The following SHISA6 variants were observed in gnomAD, a reference collection of about 807,000 sequenced individuals.
SHISA6 encodes shisa family member 6, also known as protein shisa-6.
SHISA6 carries 22 observed loss-of-function variants against 47.9 expected under a neutral mutation model. That is an observed-to-expected ratio of 0.46 (90% confidence interval 0.33 to 0.66). The LOEUF (loss-of-function observed/expected upper bound fraction) is 0.66, where lower values mean the gene tolerates loss of function less well. Among genes scored for constraint, SHISA6 ranks in the 30% least tolerant of loss-of-function variants. The probability of loss-of-function intolerance (pLI) is 0.02; values close to 1 mark genes in which losing one functional copy is unlikely to be tolerated. For missense variants in SHISA6, 680 were observed against 764.6 expected (o/e 0.89, Z 1.30); for synonymous variants, 388 against 337.8 (o/e 1.15, Z -1.63).
chr17:11,453,310 C>A (rs750592703), intron 3 of SHISA6, among the ~76,000 whole-genome samples: 12 of 152,192 alleles, frequency 7.9e-5, no homozygotes, highest in Non-Finnish European at 1.8e-4. Context: ...GAGGTCCAGG[C>A]AGCAGCAACA....
At chr17:11,357,905 CT>C in intron 2 of SHISA6, among the ~76,000 whole-genome samples, 1 of 152,166 alleles carries the variant, frequency 6.6e-6, no homozygotes. Flanking sequence ...CACTTTATGT[CT>C]TCTTTTCTGA....
intron 3 of SHISA6, among the ~76,000 whole-genome samples, chr17:11,547,765 T>C (rs2142384465): frequency 6.6e-6 from 1 of 152,328 alleles, no homozygotes; most frequent in Admixed American, 6.5e-5. Context: ...GAGGTAATTC[T>C]GTGAAAGAGT....
chr17:11,354,143 C>T (rs1410245901), intron 2 of SHISA6, among the ~76,000 whole-genome samples: 1 of 152,202 alleles, frequency 6.6e-6, no homozygotes, highest in Non-Finnish European at 1.5e-5. Context: ...AAAATATCCT[C>T]TGTTGGGGCA....
intron 2 of SHISA6, among the ~76,000 whole-genome samples, chr17:11,286,894 T>C (rs1452373754): frequency 6.6e-6 from 1 of 152,150 alleles, no homozygotes; most frequent in Non-Finnish European, 1.5e-5. Flanking sequence ...AAAGAAAAGG[T>C]GATGTCCTGA....
intron 2 of SHISA6, among the ~76,000 whole-genome samples, chr17:11,266,721 A>G (rs142908918): frequency 1.6e-3 from 238 of 152,356 alleles, no homozygotes; most frequent in African/African-American, 5.1e-3. Context: ...TGGAAAATGA[A>G]TCAAATGAAT....
intron 2 of SHISA6, among the ~76,000 whole-genome samples, chr17:11,283,783 G>C (rs1909203806): frequency 6.6e-6 from 1 of 152,200 alleles, no homozygotes; most frequent in Admixed American, 6.5e-5. Flanking sequence ...AAACTTTAGT[G>C]ACTAATGGGA....
intron 3 of SHISA6, among the ~76,000 whole-genome samples, chr17:11,434,272 C>T (rs577798219): frequency 6.6e-6 from 1 of 152,032 alleles, no homozygotes; most frequent in South Asian, 2.1e-4. Context: ...CTATGTTGGC[C>T]GAGACTGGTC....
At chr17:11,414,866 T>A (rs1914233404) in intron 3 of SHISA6, among the ~76,000 whole-genome samples, 1 of 151,950 alleles carries the variant, frequency 6.6e-6, no homozygotes, top group South Asian at 2.1e-4. Context: ...GGCGGGTGAA[T>A]CATGAGGTCA....
In SHISA6 at chr17:11,351,658, G is replaced by A. The variant is rs148233040; in HGVS notation, c.800-27756G>A. 2.2e-3 allele frequency among the ~76,000 whole-genome samples: 335 copies of A among 152,326 alleles called. 3 individuals are homozygous for A. The highest frequency in any genetic ancestry group is 7.4e-3 in the African/African-American group (308 of 41,562). On this transcript the variant is annotated intron_variant, in intron 2 of 5. Transcript: ENST00000441885. ...CTATTTGTATTAGTCTGTGAGATCC[G>A]TGAGAAAAGAAACTATGTTTACTCT...
intron 1 of SHISA6, among the ~76,000 whole-genome samples, chr17:11,259,218 A>T (rs1908134902): frequency 1.3e-5 from 2 of 152,194 alleles, no homozygotes; most frequent in Admixed American, 6.5e-5. Flanking sequence ...AGTGGTATAT[A>T]GTCAGCCCCT....
chr17:11,448,697 G>A (rs1915300926), intron 3 of SHISA6, among the ~76,000 whole-genome samples: 1 of 152,020 alleles, frequency 6.6e-6, no homozygotes, highest in Non-Finnish European at 1.5e-5. Flanking sequence ...GTGGTGGTGA[G>A]TGCCTGTAAT....
intron 3 of SHISA6, among the ~76,000 whole-genome samples, chr17:11,526,398 T>A (rs2969195): frequency 0.57 from 86,994 of 152,030 alleles, 25,617 homozygotes; most frequent in African/African-American, 0.72. Context: ...TGAGTCAAAG[T>A]TGTGCCTGCA....
intron 3 of SHISA6, among the ~76,000 whole-genome samples, chr17:11,513,436 G>A (rs117542347): frequency 0.016 from 2,487 of 152,030 alleles, 34 homozygotes; most frequent in Non-Finnish European, 0.024. Context: ...TCAACTCTTC[G>A]AATATTTCTT....
chr17:11,284,489 T>C lies in SHISA6; in HGVS notation c.799+20963T>C, dbSNP rs566202167. ...TGACCCTCATTTAGCTGCACATATATTGCTGCCCCAAATAATGTGGAATTT... is the reference window on the plus strand; with the variant it reads ...TGACCCTCATTTAGCTGCACATATACTGCTGCCCCAAATAATGTGGAATTT... On this transcript the variant is annotated intron_variant, in intron 2 of 5. Coordinates refer to ENST00000441885, the MANE Select transcript of SHISA6 (RefSeq NM_207386.4). Among the ~76,000 whole-genome samples, 3 of 152,246 alleles carry C rather than the reference T, an allele frequency of 2.0e-5. No individual in the cohort carries two copies. In the East Asian group the frequency reaches 5.8e-4, roughly 29 times the overall value.
intron 1 of SHISA6, among the ~76,000 whole-genome samples, chr17:11,253,262 G>A (rs775579581): frequency 3.3e-5 from 5 of 151,336 alleles, no homozygotes; most frequent in African/African-American, 9.7e-5. Context: ...AAGCCGCATC[G>A]ATTTAGATGC....
intron 3 of SHISA6, among the ~76,000 whole-genome samples, chr17:11,466,818 C>T (rs1033997088): frequency 1.3e-5 from 2 of 152,150 alleles, no homozygotes; most frequent in African/African-American, 4.8e-5. Flanking sequence ...CGTTCTCAGC[C>T]CGTGTTTTCT....
At chr17:11,513,435 C>T (rs1248720235) in intron 3 of SHISA6, among the ~76,000 whole-genome samples, 1 of 152,072 alleles carries the variant, frequency 6.6e-6, no homozygotes, top group Non-Finnish European at 1.5e-5. Flanking sequence ...GTCAACTCTT[C>T]GAATATTTCT....
At chr17:11,368,015 T>C (rs1912511199) in intron 2 of SHISA6, among the ~76,000 whole-genome samples, 1 of 152,146 alleles carries the variant, frequency 6.6e-6, no homozygotes, top group African/African-American at 2.4e-5. Context: ...CAAAGTTGAA[T>C]TAATCTAACC....
chr17:11,348,923 T>A (rs1244176192), intron 2 of SHISA6, among the ~76,000 whole-genome samples: 2 of 152,196 alleles, frequency 1.3e-5, no homozygotes. Flanking sequence ...ATCATGAAAC[T>A]TGGCCATTCT....
Sources: gnomAD v4.1 joint callset for allele counts (sites outside exome capture counted in the v4.1 genomes callset) on GRCh38, gnomAD v4.1.1 for gene constraint, MANE v1.5 for transcripts, NCBI Gene and HGNC (gene_info 2026-07-23, HGNC 2026-07-21) for gene names.